The following ELOVL6 variants were observed in gnomAD, a reference collection of about 807,000 sequenced individuals.
ELOVL6 encodes the protein very long chain fatty acid elongase 6.
In ELOVL6, 8 loss-of-function variants were observed where a neutral mutation model predicts 31.7. That is an observed-to-expected ratio of 0.25 (90% CI 0.15 to 0.45). The LOEUF is 0.45. Ranked by LOEUF, ELOVL6 falls within the 20% of genes least tolerant of loss-of-function variation. The pLI is 1.00. For missense variants in ELOVL6, 126 were observed against 326.4 expected, an observed-to-expected ratio of 0.39 and a Z score of 4.73; for synonymous variants, 101 against 117.7, an observed-to-expected ratio of 0.86 and a Z score of 0.92.
chr4:110,081,969 T>C (rs1342920241), intron 2 of ELOVL6, among the ~76,000 whole-genome samples: 1 of 151,428 alleles, frequency 6.6e-6, no homozygotes, highest in Non-Finnish European at 1.5e-5. Flanking sequence ...AAGACATTTA[T>C]GCAGCCAAAA....
chr4:110,184,405 T>G (rs980310197), intron 1 of ELOVL6, among the ~76,000 whole-genome samples: 1 of 152,108 alleles, frequency 6.6e-6, no homozygotes, highest in Non-Finnish European at 1.5e-5. Context: ...GCAATAGATA[T>G]AGATGGGTGG....
intron 2 of ELOVL6, among the ~76,000 whole-genome samples, chr4:110,084,164 GTGATATATA>G (rs1247766919): frequency 4.4e-5 from 2 of 45,604 alleles, no homozygotes; most frequent in Non-Finnish European, 3.1e-5. Flanking sequence ...TAACATATAT[GTGATATATA>G]TGATATATAT....
chr4:110,062,394 C>T (rs969529497), intron 2 of ELOVL6, among the ~76,000 whole-genome samples: 5 of 152,154 alleles, frequency 3.3e-5, no homozygotes, highest in African/African-American at 4.8e-5. Context: ...TGGGCAAAGG[C>T]GCATTGTTGG....
At chr4:110,073,455 A>T (rs747172326) in intron 2 of ELOVL6, among the ~76,000 whole-genome samples, 1 of 152,244 alleles carries the variant, frequency 6.6e-6, no homozygotes, top group Non-Finnish European at 1.5e-5. Flanking sequence ...ACCAATGAAT[A>T]ACGCAAACTC....
chr4:110,118,198 TC>T (rs1757244134), intron 1 of ELOVL6: 1 of 151,428 alleles, frequency 6.6e-6, no homozygotes, highest in African/African-American at 2.4e-5. Context: ...CCTCAAGTGA[TC>T]CACCCGCCTC....
At chr4:110,095,889 T>C (rs1030387448) in intron 2 of ELOVL6, among the ~76,000 whole-genome samples, 18 of 152,200 alleles carry the variant, frequency 1.2e-4, no homozygotes, top group Admixed American at 7.2e-4. Flanking sequence ...CATACATAAC[T>C]TAGAATGACT....
chr4:110,196,386 C>T (rs1435390200), intron 1 of ELOVL6, among the ~76,000 whole-genome samples: 1 of 152,204 alleles, frequency 6.6e-6, no homozygotes, highest in East Asian at 1.9e-4. Flanking sequence ...CGGGGCTAGC[C>T]AGCAGCGCGG....
In ELOVL6 at chr4:110,069,131, AAATAAT is replaced by A. The variant is rs58966120; in HGVS notation, c.222-9383_222-9378del. On this transcript the variant is annotated intron_variant, in intron 2 of 3. Transcript: ENST00000302274. ...GGTGACAGAGCAAGACTCTGTCTCC[AAATAAT>A]AATAATAATAATAATAATAATAATA... 7.1e-3 allele frequency among the ~76,000 whole-genome samples: 954 copies of A among 133,676 alleles called. 9 individuals are homozygous for A. Among genetic ancestry groups the A allele is most frequent in the African/African-American group, 0.019 (672 of 34,688 alleles). The allele number at this position is 133,676 out of a possible 152,430, so 87.7% of individuals were successfully genotyped here. A position where few individuals can be genotyped will look rare whatever the true frequency, so the allele number is the denominator to read the frequency against.
intron 1 of ELOVL6, among the ~76,000 whole-genome samples, chr4:110,181,760 G>A (rs1379304132): frequency 6.6e-6 from 1 of 152,174 alleles, no homozygotes; most frequent in Non-Finnish European, 1.5e-5. Flanking sequence ...AAATGGCCCA[G>A]ACCAGTATGA....
At chr4:110,116,902 ACTTC>A (rs1757184195) in intron 1 of ELOVL6, among the ~76,000 whole-genome samples, 1 of 151,644 alleles carries the variant, frequency 6.6e-6, no homozygotes, top group African/African-American at 2.4e-5. Context: ...TGCTTCCTTC[ACTTC>A]CTTCCTTTCT....
At chr4:110,164,152 C>G (rs1003832481) in intron 1 of ELOVL6, among the ~76,000 whole-genome samples, 1 of 152,202 alleles carries the variant, frequency 6.6e-6, no homozygotes, top group Non-Finnish European at 1.5e-5. Context: ...ATTATTACTA[C>G]AGCCTAATTT....
Position 110,175,149 on chromosome 4 carries a change from T to C in ELOVL6, c.89+23098A>G, listed in dbSNP as rs1169965277. Among the ~76,000 whole-genome samples, 4 of 152,068 alleles carry C rather than the reference T, an allele frequency of 2.6e-5. No individual in the cohort carries two copies. In the East Asian group the frequency reaches 7.7e-4, roughly 29 times the overall value. On this transcript the variant is annotated intron_variant, in intron 1 of 3. Transcript: ENST00000302274. The stretch of plus-strand genomic sequence containing the variant: ...CTGTAATCGCAATACTTTGGGAGGC[T>C]GAGGCGGGCAGATCACTTGAGGCTA...
chr4:110,126,313 T>G lies in ELOVL6; in HGVS notation c.90-20685A>C, dbSNP rs530543421. ...CACCTGCCTCGGCCTCCCAAAGTGCTGAGATTACAGGCATGAGTCGCTGCA... is the reference window on the plus strand; with the variant it reads ...CACCTGCCTCGGCCTCCCAAAGTGCGGAGATTACAGGCATGAGTCGCTGCA... On this transcript the variant is annotated intron_variant, in intron 1 of 3. Coordinates refer to ENST00000302274, the MANE Select transcript of ELOVL6 (RefSeq NM_024090.3). Among the ~76,000 whole-genome samples, 18 of 152,320 alleles carry G rather than the reference T, an allele frequency of 1.2e-4. 1 individual carries two copies. The South Asian group carries it at 3.3e-3, about 28-fold the overall frequency.
chr4:110,189,592 CAAAAAAAAA>C (rs761765202), intron 1 of ELOVL6, among the ~76,000 whole-genome samples: 198 of 75,350 alleles, frequency 2.6e-3, no homozygotes, highest in Middle Eastern at 0.011. Flanking sequence ...GACTCTGTCT[CAAAAAAAAA>C]AAAAAAAAAA....
intron 2 of ELOVL6, among the ~76,000 whole-genome samples, chr4:110,093,304 G>A (rs1756477039): frequency 6.6e-6 from 1 of 152,178 alleles, no homozygotes; most frequent in South Asian, 2.1e-4. Flanking sequence ...AAAAGTCTAT[G>A]TATGTGATTT....
chr4:110,107,368 A>G (rs1352350027), intron 1 of ELOVL6, among the ~76,000 whole-genome samples: 1 of 152,212 alleles, frequency 6.6e-6, no homozygotes, highest in South Asian at 2.1e-4. Context: ...GTCTTGTCCT[A>G]TCAAATTTTC....
chr4:110,086,839 G>A (rs936144279), intron 2 of ELOVL6, among the ~76,000 whole-genome samples: 2 of 152,060 alleles, frequency 1.3e-5, no homozygotes, highest in East Asian at 3.8e-4. Flanking sequence ...CTCCCTATGC[G>A]ACATTTATTC....
At chr4:110,090,272 T>G (rs1228716192) in intron 2 of ELOVL6, among the ~76,000 whole-genome samples, 1 of 152,146 alleles carries the variant, frequency 6.6e-6, no homozygotes, top group Non-Finnish European at 1.5e-5. Flanking sequence ...GAAGGGTGAC[T>G]TTTTTTCTGT....
intron 1 of ELOVL6, among the ~76,000 whole-genome samples, chr4:110,189,307 C>T (rs1343266655): frequency 6.6e-6 from 1 of 151,800 alleles, no homozygotes; most frequent in South Asian, 2.1e-4. Context: ...GAGAGAGAGG[C>T]TAGACGCAGT....
Sources: allele counts gnomAD v4.1 joint callset (sites outside exome capture counted in the v4.1 genomes callset), GRCh38; gene constraint gnomAD v4.1.1; transcripts MANE v1.5; gene names NCBI Gene and HGNC (gene_info 2026-07-23, HGNC 2026-07-21).